ARHGAP15: variants seen among roughly 807,000 people sequenced by gnomAD.
The protein encoded by ARHGAP15 is rho GTPase-activating protein 15.
Under a neutral mutation model 63.7 loss-of-function variants are expected in ARHGAP15, and 51 were observed. The observed-to-expected ratio is 0.80, with a 90% confidence interval of 0.64 to 1.01. ARHGAP15 has a LOEUF of 1.01. ARHGAP15 is among the 50% of genes least tolerant of loss of function. ARHGAP15 has a pLI of 0.00. For missense variants in ARHGAP15, 560 were observed against 564.6 expected (o/e 0.99, Z 0.08); for synonymous variants, 191 against 193.8 (o/e 0.99, Z 0.12).
chr2:143,241,674 T>G (rs1464486310), intron 5 of ARHGAP15, among the ~76,000 whole-genome samples: 3 of 152,188 alleles, frequency 2.0e-5, no homozygotes, highest in Admixed American at 2.0e-4. Flanking sequence ...CACAAGGCAC[T>G]TGAAGAGGGA....
chr2:143,669,363 T>TAC (rs1682398938), intron 12 of ARHGAP15, among the ~76,000 whole-genome samples: 1 of 152,184 alleles, frequency 6.6e-6, no homozygotes, highest in African/African-American at 2.4e-5. Flanking sequence ...ATGAATCACT[T>TAC]ACCTATACCA....
At chr2:143,762,596 T>A (rs1423764993) in intron 13 of ARHGAP15, among the ~76,000 whole-genome samples, 3 of 152,128 alleles carry the variant, frequency 2.0e-5, no homozygotes, top group Admixed American at 2.0e-4. Context: ...GCAAAACACA[T>A]AGAACAGCAT....
chr2:143,320,597 G>A (rs1283893965), intron 6 of ARHGAP15, among the ~76,000 whole-genome samples: 1 of 152,028 alleles, frequency 6.6e-6, no homozygotes, highest in Non-Finnish European at 1.5e-5. Flanking sequence ...CTAAGCAAAG[G>A]GGGAATTCAG....
Position 143,369,792 on chromosome 2 carries a change from C to T in ARHGAP15, c.475-65809C>T, listed in dbSNP as rs538867316. 2.0e-4 allele frequency among the ~76,000 whole-genome samples: 30 copies of T among 152,198 alleles called. 1 individual carries two copies. The South Asian group carries it at 3.7e-3, about 19-fold the overall frequency. On this transcript the variant is annotated intron_variant, in intron 6 of 13. Coordinates refer to ENST00000295095, the MANE Select transcript of ARHGAP15 (RefSeq NM_018460.4). ...TGTAATACAACAACTTTTCAGAGAACGCAGTATTCTTTTTCTTCTTCTTCT... is the reference window on the plus strand; with the variant it reads ...TGTAATACAACAACTTTTCAGAGAATGCAGTATTCTTTTTCTTCTTCTTCT...
chr2:143,262,079 A>T (rs1014913509), intron 6 of ARHGAP15, among the ~76,000 whole-genome samples: 2 of 152,098 alleles, frequency 1.3e-5, no homozygotes, highest in Non-Finnish European at 2.9e-5. Context: ...TCCACAGCAG[A>T]TAGTAAAAGA....
chr2:143,468,313 T>C (rs1488365553), intron 8 of ARHGAP15, among the ~76,000 whole-genome samples: 1 of 152,024 alleles, frequency 6.6e-6, no homozygotes, highest in East Asian at 1.9e-4. Flanking sequence ...AAGATGAACA[T>C]GTATAAGTGA....
rs117056363 is a variant in ARHGAP15, at chr2:143,368,422, G to A, written c.475-67179G>A. Among the ~76,000 whole-genome samples the A allele has an allele frequency of 9.8e-4, 149 of 152,104 alleles. 2 individuals are homozygous for A. In the East Asian group the frequency reaches 0.015, roughly 15 times the overall value. On this transcript the variant is annotated intron_variant, in intron 6 of 13. Coordinates refer to ENST00000295095, the MANE Select transcript of ARHGAP15 (RefSeq NM_018460.4). ...GGAGACTTAACAGGGAGAGAGGCAC[G>A]AAAGAAAAATAAAATATCAGCATAT...
At chr2:143,255,122 T>C (rs1209089715) in intron 6 of ARHGAP15, among the ~76,000 whole-genome samples, 1 of 152,102 alleles carries the variant, frequency 6.6e-6, no homozygotes, top group Non-Finnish European at 1.5e-5. Context: ...AAACATACAT[T>C]GGGCTCTTCT....
chr2:143,498,621 G>A (rs978519579), intron 9 of ARHGAP15, among the ~76,000 whole-genome samples: 1 of 151,978 alleles, frequency 6.6e-6, no homozygotes, highest in South Asian at 2.1e-4. Context: ...AGAGTTCTGG[G>A]AATAGGCAGC....
chr2:143,602,513 G>T (rs1697815169), intron 11 of ARHGAP15, among the ~76,000 whole-genome samples: 1 of 152,138 alleles, frequency 6.6e-6, no homozygotes, highest in Non-Finnish European at 1.5e-5. Flanking sequence ...TTTCAGGGAT[G>T]AGTGGGAAAG....
At chr2:143,539,294 C>T (rs143943365) in intron 10 of ARHGAP15, among the ~76,000 whole-genome samples, 32,024 of 151,728 alleles carry the variant, frequency 0.21, 3,658 homozygotes, top group Middle Eastern at 0.28. Context: ...GTCTTGCTAG[C>T]GGTCTATCAG....
At chr2:143,595,231 A>G (rs1243305491) in intron 11 of ARHGAP15, among the ~76,000 whole-genome samples, 2 of 152,178 alleles carry the variant, frequency 1.3e-5, no homozygotes, top group Non-Finnish European at 2.9e-5. Context: ...TTTGACATTC[A>G]GCAAATCAGT....
At chr2:143,741,539 TATA>T (rs1209431666) in intron 13 of ARHGAP15, among the ~76,000 whole-genome samples, 5 of 152,258 alleles carry the variant, frequency 3.3e-5, no homozygotes, top group Non-Finnish European at 7.3e-5. Context: ...ATTAACATCC[TATA>T]ATATTTTATC....
intron 5 of ARHGAP15, chr2:143,237,408 T>C (rs1693696572): frequency 6.6e-6 from 1 of 152,166 alleles, no homozygotes; most frequent in Non-Finnish European, 1.5e-5. Context: ...TTTGATATTC[T>C]CATATGTCTC....
chr2:143,417,483 A>G (rs1410592174), intron 6 of ARHGAP15, among the ~76,000 whole-genome samples: 2 of 152,174 alleles, frequency 1.3e-5, no homozygotes, highest in African/African-American at 2.4e-5. Flanking sequence ...CTTAATATGG[A>G]TAATTAGATA....
intron 2 of ARHGAP15, among the ~76,000 whole-genome samples, chr2:143,180,993 C>A (rs543614818): frequency 1.8e-4 from 28 of 152,226 alleles, no homozygotes; most frequent in Non-Finnish European, 3.1e-4. Context: ...TCTTAAATAA[C>A]AAAACTCTAA....
At chr2:143,465,204 G>A (rs1174465904) in intron 8 of ARHGAP15, among the ~76,000 whole-genome samples, 1 of 152,048 alleles carries the variant, frequency 6.6e-6, no homozygotes, top group Non-Finnish European at 1.5e-5. Context: ...CTCAGCCAAA[G>A]GCTCTAAGAT....
chr2:143,736,277 C>A (rs1393677341), intron 13 of ARHGAP15, among the ~76,000 whole-genome samples: 1 of 151,892 alleles, frequency 6.6e-6, no homozygotes, highest in East Asian at 1.9e-4. Flanking sequence ...CATGCTATAA[C>A]CTCAGCTACT....
intron 13 of ARHGAP15, among the ~76,000 whole-genome samples, chr2:143,749,101 G>A (rs1323963925): frequency 6.6e-6 from 1 of 152,074 alleles, no homozygotes; most frequent in African/African-American, 2.4e-5. Context: ...AAGATTTGCT[G>A]TGTTAAAGAA....
Sources: gnomAD v4.1 joint callset for allele counts (sites outside exome capture counted in the v4.1 genomes callset) on GRCh38, gnomAD v4.1.1 for gene constraint, MANE v1.5 for transcripts, NCBI Gene and HGNC (gene_info 2026-07-23, HGNC 2026-07-21) for gene names.